CCDC152: variants seen among roughly 807,000 people sequenced by gnomAD.
The protein encoded by CCDC152 is coiled-coil domain-containing protein 152.
CCDC152 carries 37 observed loss-of-function variants against 38.1 expected under a neutral mutation model. The ratio of observed to expected loss-of-function variants is 0.97; its 90% CI spans 0.75 to 1.28. The LOEUF is 1.28. Ranked by LOEUF, CCDC152 falls within the 50% of genes most tolerant of loss-of-function variation. The pLI is 0.00. For missense variants in CCDC152, 259 were observed against 292.1 expected (o/e 0.89, Z 0.83); for synonymous variants, 83 against 87.1 (o/e 0.95, Z 0.26).
intron 4 of CCDC152, among the ~76,000 whole-genome samples, chr5:42,778,475 C>G (rs1366895603): frequency 6.6e-6 from 1 of 152,134 alleles, no homozygotes; most frequent in African/African-American, 2.4e-5. Flanking sequence ...TAGGAAATTA[C>G]AGTTTTAAAC....
chr5:42,797,028 T>C, intron 7 of CCDC152, 72 bp downstream of exon 7: 2 of 1,164,104 alleles, frequency 1.7e-6, no homozygotes, highest in Non-Finnish European at 2.4e-6. Context: ...TTGTTTTTCA[T>C]CACAGTGAGA....
At chr5:42,793,270 T>A (rs941650027) in intron 6 of CCDC152, among the ~76,000 whole-genome samples, 1 of 152,196 alleles carries the variant, frequency 6.6e-6, no homozygotes, top group African/African-American at 2.4e-5. Flanking sequence ...GATCAATGTT[T>A]GCCAGTATTT....
chr5:42,765,309 G>A (rs1360271088), intron 3 of CCDC152, among the ~76,000 whole-genome samples: 2 of 152,132 alleles, frequency 1.3e-5, no homozygotes, highest in Non-Finnish European at 2.9e-5. Flanking sequence ...TGGATTGGAA[G>A]AATCAATATT....
At chr5:42,789,845 G>A (rs1433370038) in intron 6 of CCDC152, among the ~76,000 whole-genome samples, 2 of 152,004 alleles carry the variant, frequency 1.3e-5, no homozygotes, top group African/African-American at 2.4e-5. Flanking sequence ...TGGGTAATAA[G>A]TTACATATAA....
intron 2 of CCDC152, among the ~76,000 whole-genome samples, chr5:42,760,106 C>T (rs1579703321): frequency 6.6e-6 from 1 of 151,934 alleles, no homozygotes; most frequent in Non-Finnish European, 1.5e-5. Context: ...ATATCGAGAC[C>T]ATTCTGGCTA....
intron 4 of CCDC152, among the ~76,000 whole-genome samples, 153 bp downstream of exon 4, chr5:42,769,818 A>G (rs1332002502): frequency 2.0e-5 from 3 of 152,214 alleles, no homozygotes; most frequent in African/African-American, 7.2e-5. Context: ...GATGATTATG[A>G]AATAAGAAAT....
chr5:42,767,657 TTATC>T (rs1759642991), intron 3 of CCDC152, among the ~76,000 whole-genome samples: 1 of 152,216 alleles, frequency 6.6e-6, no homozygotes, highest in Non-Finnish European at 1.5e-5. Flanking sequence ...CGTGAAGAAT[TTATC>T]TATGCTCCAT....
At position 42,762,047 on chromosome 5, in the gene CCDC152, G is replaced by A. The variant is rs184879459; in HGVS notation, c.88-396G>A. On this transcript the variant is annotated intron_variant, in intron 2 of 8. Transcript: ENST00000361970. ...TATTTACGCAAACCTAAATGGTGTA[G>A]CCTATTACACACCTAGGCTTTATGG... Among the ~76,000 whole-genome samples, 3 of 152,252 alleles carry A rather than the reference G, an allele frequency of 2.0e-5. No individual in the cohort carries two copies. The East Asian group carries it at 5.8e-4, about 29-fold the overall frequency.
intron 6 of CCDC152, among the ~76,000 whole-genome samples, chr5:42,786,569 T>C (rs1759923960): frequency 1.3e-5 from 2 of 152,246 alleles, no homozygotes; most frequent in South Asian, 2.1e-4. Flanking sequence ...CTTTTGTTTG[T>C]CCTTTCAAAA....
At chr5:42,766,010 C>G (rs1016559130) in intron 3 of CCDC152, among the ~76,000 whole-genome samples, 11 of 152,000 alleles carry the variant, frequency 7.2e-5, no homozygotes, top group Admixed American at 7.2e-4. Context: ...TGCAAACTAC[C>G]CCTCTGACAA....
Position 42,777,360 on chromosome 5 carries a change from G to GATTA in CCDC152, c.263-2098_263-2097insATTA, listed in dbSNP as rs936156859. On this transcript the variant is annotated intron_variant, in intron 4 of 8. Coordinates refer to ENST00000361970, the MANE Select transcript of CCDC152 (RefSeq NM_001134848.2). ...TGCCTGTAATCCCAGCTACTCGGGG[G>GATTA]CCGAGGCAGGAAAATAGCTTGAACC... 1.4e-4 allele frequency among the ~76,000 whole-genome samples: 21 copies of GATTA among 152,184 alleles called. No individual in the cohort carries two copies. In the East Asian group the frequency reaches 3.9e-3, roughly 28 times the overall value.
chr5:42,772,540 A>G (rs1759713099), intron 4 of CCDC152, among the ~76,000 whole-genome samples: 1 of 151,684 alleles, frequency 6.6e-6, no homozygotes, highest in Admixed American at 6.6e-5. Flanking sequence ...AATCCCAGCT[A>G]CTCGAGAGGC....
chr5:42,796,556 A>G (rs1212510936), intron 6 of CCDC152, among the ~76,000 whole-genome samples: 1 of 152,202 alleles, frequency 6.6e-6, no homozygotes, highest in Non-Finnish European at 1.5e-5. Context: ...CAACCACTGT[A>G]TCTCCCATTT....
At chr5:42,790,883 A>G (rs915694337) in intron 6 of CCDC152, among the ~76,000 whole-genome samples, 7 of 152,150 alleles carry the variant, frequency 4.6e-5, no homozygotes, top group Admixed American at 1.3e-4. Flanking sequence ...GGAGTCAATT[A>G]TGCTCTCCGA....
chr5:42,779,421 CTA>C (rs1437686489), intron 4 of CCDC152, 35 bp from the exon 5 acceptor site: 1 of 1,146,964 alleles, frequency 8.7e-7, no homozygotes, highest in Admixed American at 2.2e-5. Context: ...TTGAAAAGTG[CTA>C]TATATTATGA....
chr5:42,790,906 A>G (rs1341667172), intron 6 of CCDC152, among the ~76,000 whole-genome samples: 1 of 152,148 alleles, frequency 6.6e-6, no homozygotes. Context: ...TTGGAGATCT[A>G]ATAGGTGCAT....
At position 42,801,122 on chromosome 5, in the gene CCDC152, C is replaced by G; in HGVS notation, c.*1341C>G. Reference sequence around the variant, plus strand: ...GACCCTGCCTATGCTGACCCTTGTGCTTATGGTGGTGATGAAGGCCTGGAG... The same window carrying G: ...GACCCTGCCTATGCTGACCCTTGTGGTTATGGTGGTGATGAAGGCCTGGAG... On this transcript the variant is annotated 3_prime_UTR_variant, in exon 9 of 9. Transcript: ENST00000361970. 6.2e-7 allele frequency: 1 copy of G among 1,614,088 alleles called. No homozygotes were observed.
At chr5:42,788,157 C>T (rs980421137) in intron 6 of CCDC152, among the ~76,000 whole-genome samples, 15 of 151,460 alleles carry the variant, frequency 9.9e-5, no homozygotes, top group Admixed American at 9.2e-4. Flanking sequence ...TTAGCACTTA[C>T]TTATTTGGAA....
chr5:42,760,218 A>G (rs1759533037), intron 2 of CCDC152, among the ~76,000 whole-genome samples: 1 of 151,116 alleles, frequency 6.6e-6, no homozygotes, highest in Non-Finnish European at 1.5e-5. Flanking sequence ...GCAGGAGAAT[A>G]GCCTAAACCC....
Sources: allele counts gnomAD v4.1 joint callset (sites outside exome capture counted in the v4.1 genomes callset), GRCh38; gene constraint gnomAD v4.1.1; transcripts MANE v1.5; gene names NCBI Gene and HGNC (gene_info 2026-07-23, HGNC 2026-07-21).